RBBP6: variants seen among roughly 807,000 people sequenced by gnomAD.
The protein encoded by RBBP6 is RB binding protein 6, ubiquitin ligase.
In RBBP6, 25 loss-of-function variants were observed where a neutral mutation model predicts 167.7. That is an observed-to-expected ratio of 0.15 (90% CI 0.11 to 0.21). The LOEUF (loss-of-function observed/expected upper bound fraction) is 0.21. Among genes scored for constraint, RBBP6 ranks in the 10% least tolerant of loss-of-function variants. RBBP6 has a pLI of 1.00. For missense variants in RBBP6, 1,868 were observed against 2,134.2 expected (o/e 0.88, Z 2.46); for synonymous variants, 789 against 735.8 (o/e 1.07, Z -1.17).
chr16:24,564,928 GAAATT>G (rs1899156896), intron 14 of RBBP6, 63 bp downstream of exon 14: 5 of 1,544,516 alleles, frequency 3.2e-6, no homozygotes, highest in Non-Finnish European at 3.5e-6. Flanking sequence ...TCTCACCAAA[GAAATT>G]AAAGCACAGC....
intron 3 of RBBP6, among the ~76,000 whole-genome samples, chr16:24,551,836 A>G (rs769743246): frequency 6.6e-6 from 1 of 151,792 alleles, no homozygotes; most frequent in African/African-American, 2.4e-5. Flanking sequence ...AGTATAGATG[A>G]TGGTTGACAG....
intron 2 of RBBP6, among the ~76,000 whole-genome samples, chr16:24,548,251 G>A (rs367919178): frequency 1.3e-5 from 2 of 151,238 alleles, no homozygotes; most frequent in East Asian, 3.9e-4. Flanking sequence ...AGCCATTTAA[G>A]TCAGTTCTTT....
rs1461709106 is a variant in RBBP6, at chr16:24,567,322, G to A, written c.1769G>A (p.Gly590Asp). 2.5e-6 allele frequency: 4 copies of A among 1,613,812 alleles called. No homozygotes were observed. Among genetic ancestry groups the A allele is most frequent in the South Asian group, 2.2e-5 (2 of 91,068 alleles). Residue 590 changes from glycine (G) to aspartate (D), a missense_variant, in exon 15 of 18, where the codon GGC becomes GAC. Transcript: ENST00000319715. ...CAGTTTTCTCCTCAGTTTCCTCCTG[G>A]CCAGCCACCACCCGCTGGGTATAGT... is the stretch of plus-strand genomic sequence containing the variant. The part of the protein sequence containing the change: ...PPQFSPQFPP[G>D]QPPPAGYSVP...
rs1327648250 is a variant in RBBP6 at position 24,540,077 on chromosome 16, G to A, written c.-550G>A. 6.5e-6 allele frequency: 1 copy of A among 153,684 alleles called. No individual in the cohort carries two copies. The highest frequency in any genetic ancestry group is 2.4e-5 in the African/African-American group (1 of 41,400). 9.5% of individuals were successfully genotyped at this position (153,684 alleles called of 1,614,324 possible). A position where few individuals can be genotyped will look rare whatever the true frequency, so the allele number is the denominator to read the frequency against. ...GCGGTGGGGGCCTGGGCCTGGGCCT[G>A]GGGAAGCTGACGCCGGTCGTCCGGA... is the stretch of plus-strand genomic sequence containing the variant. On this transcript the variant is annotated 5_prime_UTR_variant, in exon 1 of 18. Transcript: ENST00000319715.
At chr16:24,547,187 T>C (rs1360602541) in intron 2 of RBBP6, among the ~76,000 whole-genome samples, 1 of 152,222 alleles carries the variant, frequency 6.6e-6, no homozygotes, top group Non-Finnish European at 1.5e-5. Flanking sequence ...GAAAGTGTTC[T>C]TGAAATTAAG....
chr16:24,540,860 G>A, intron 1 of RBBP6, 68 bp downstream of exon 1: 2 of 1,527,946 alleles, frequency 1.3e-6, no homozygotes, highest in Non-Finnish European at 8.8e-7. Flanking sequence ...GTGCCTGGCA[G>A]GAAGCTAACC....
chr16:24,555,512 AT>A, intron 4 of RBBP6, 102 bp from the exon 5 acceptor site: 2 of 861,444 alleles, frequency 2.3e-6, no homozygotes, highest in Non-Finnish European at 3.7e-6. Context: ...TTTATGCAAG[AT>A]TAGTTAGATA....
intron 2 of RBBP6, 152 bp downstream of exon 2, chr16:24,546,414 C>A: frequency 9.4e-7 from 1 of 1,059,698 alleles, no homozygotes; most frequent in Non-Finnish European, 1.2e-6. Context: ...TTTCTTTGTT[C>A]GTTTGTTTTT....
At position 24,568,921 on chromosome 16, in the gene RBBP6, A is replaced by G; in HGVS notation, c.2231A>G (p.Tyr744Cys). ...PRRGRGKSRNYRSRSRSHGYH... is the reference protein window; with the variant it reads ...PRRGRGKSRNCRSRSRSHGYH... ...AGAGGCAGAGGCAAGAGCCGCAATTACCGTTCACGGTCTAGATCTCATGGA... is the reference window on the plus strand; with the variant it reads ...AGAGGCAGAGGCAAGAGCCGCAATTGCCGTTCACGGTCTAGATCTCATGGA... The change falls in exon 17 of 18, where the codon TAC becomes TGC. Residue 744 changes from tyrosine to cysteine, a missense_variant. Around this residue, in one of 7 missense-constraint regions of RBBP6, gnomAD observed 673 missense variants for 691.5 expected, o/e 0.97. Transcript: ENST00000319715. 6.2e-7 allele frequency: 1 copy of G among 1,614,242 alleles called. No individual in the cohort carries two copies. Among genetic ancestry groups the G allele is most frequent in the African/African-American group, 1.3e-5 (1 of 75,062 alleles).
At chr16:24,547,453 ATTGTT>A (rs1199860007) in intron 2 of RBBP6, among the ~76,000 whole-genome samples, 2 of 152,012 alleles carry the variant, frequency 1.3e-5, no homozygotes, top group Non-Finnish European at 2.9e-5. Context: ...ATATATATAT[ATTGTT>A]TTGTTTTGTT....
At chr16:24,553,256 C>A in intron 3 of RBBP6, 1 of 380,680 alleles carries the variant, frequency 2.6e-6, no homozygotes, top group Non-Finnish European at 4.8e-6. Flanking sequence ...ACACTCTGAA[C>A]AGATTTTCTG....
At chr16:24,556,753 T>C in intron 7 of RBBP6, among the ~76,000 whole-genome samples, 1 of 152,218 alleles carries the variant, frequency 6.6e-6, no homozygotes, top group East Asian at 1.9e-4. Context: ...ATAATCTTAT[T>C]ATATATGCTA....
chr16:24,553,363 A>G (rs182031197), intron 3 of RBBP6, 150 bp from the exon 4 acceptor site: 4 of 574,632 alleles, frequency 7.0e-6, no homozygotes, highest in Non-Finnish European at 1.2e-5. Flanking sequence ...AGAATGAAGT[A>G]GGCTGAGCTA....
At chr16:24,556,049 AT>A in intron 6 of RBBP6, 132 bp downstream of exon 6, 1 of 922,618 alleles carries the variant, frequency 1.1e-6, no homozygotes, top group South Asian at 1.7e-5. Context: ...CTGGAGCCAA[AT>A]TTGCCAGGCT....
chr16:24,571,897 A>C lies in RBBP6; in HGVS notation c.4831A>C (p.Thr1611Pro). 6.2e-7 allele frequency: 1 copy of C among 1,614,028 alleles called. No homozygotes were observed. The highest frequency in any genetic ancestry group is 8.5e-7 in the Non-Finnish European group (1 of 1,179,888). The change falls in exon 18 of 18, where the codon ACT (threonine) becomes CCT (proline). Residue 1611 changes from threonine to proline, a missense_variant. Around this residue, in one of 7 missense-constraint regions of RBBP6, gnomAD observed 591 missense variants for 540.5 expected, o/e 1.09. Coordinates refer to ENST00000319715, the MANE Select transcript of RBBP6 (RefSeq NM_006910.5). The part of the protein sequence containing the change: ...EQITGQIDKS[T>P]VKPKPQLSHS... ...AATTACTGGGCAAATTGACAAGAGTACTGTCAAGCCTAAACCCCAGTTAAG... is the reference window on the plus strand; with the variant it reads ...AATTACTGGGCAAATTGACAAGAGTCCTGTCAAGCCTAAACCCCAGTTAAG...
intron 2 of RBBP6, among the ~76,000 whole-genome samples, chr16:24,547,216 C>T (rs1898679757): frequency 6.6e-6 from 1 of 152,258 alleles, no homozygotes; most frequent in Non-Finnish European, 1.5e-5. Flanking sequence ...AAAGTCATTT[C>T]TTGGAGCTTT....
chr16:24,562,307 T>C (rs1031461015), intron 10 of RBBP6, 146 bp downstream of exon 10: 42 of 793,394 alleles, frequency 5.3e-5, no homozygotes, highest in Non-Finnish European at 8.1e-5. Context: ...CTTAGTCTTA[T>C]TGGGGGAAGA....
chr16:24,545,015 A>T (rs1898605490), intron 1 of RBBP6, among the ~76,000 whole-genome samples: 2 of 152,146 alleles, frequency 1.3e-5, no homozygotes, highest in Admixed American at 1.3e-4. Flanking sequence ...ATTTTTTAGC[A>T]GCCTGGTTAT....
chr16:24,557,813 G>A (rs1187985368), intron 7 of RBBP6, among the ~76,000 whole-genome samples: 1 of 152,016 alleles, frequency 6.6e-6, no homozygotes, highest in African/African-American at 2.4e-5. Flanking sequence ...GAGCAGGTGG[G>A]GATGATGATG....
Sources: allele counts gnomAD v4.1 joint callset (sites outside exome capture counted in the v4.1 genomes callset), GRCh38; gene constraint gnomAD v4.1.1; regional missense constraint gnomAD v4.1.1; transcripts MANE v1.5; gene names NCBI Gene and HGNC (gene_info 2026-07-23, HGNC 2026-07-21).